The following C8orf34 variants were observed in gnomAD, a reference collection of about 807,000 sequenced individuals.
C8orf34 encodes uncharacterized protein C8orf34.
A neutral mutation model predicts 68.3 loss-of-function variants in C8orf34; 65 were observed. The ratio of observed to expected loss-of-function variants is 0.95; its 90% CI spans 0.78 to 1.17. The LOEUF (loss-of-function observed/expected upper bound fraction) is 1.17. C8orf34 is among the 50% of genes most tolerant of loss of function. The probability of loss-of-function intolerance (pLI) is 0.00; values close to 1 mark genes in which losing one functional copy is unlikely to be tolerated. For synonymous variants in C8orf34, 244 were observed against 241.2 expected (o/e 1.01, Z -0.11); for missense variants, 664 against 655.4 (o/e 1.01, Z -0.14).
At chr8:68,503,675 C>CTTTTT (rs1813875876) in intron 5 of C8orf34, among the ~76,000 whole-genome samples, 1 of 149,064 alleles carries the variant, frequency 6.7e-6, no homozygotes, top group Non-Finnish European at 1.5e-5. Flanking sequence ...TAGTTATTCT[C>CTTTTT]TTTTCTTTTT....
chr8:68,490,858 G>A lies in C8orf34; in HGVS notation c.765+2807G>A, dbSNP rs545828202. Among the ~76,000 whole-genome samples, 9 of 152,170 alleles carry A rather than the reference G, an allele frequency of 5.9e-5. No homozygotes were observed. In the South Asian group the frequency reaches 1.9e-3, roughly 32 times the overall value. On this transcript the variant is annotated intron_variant, in intron 5 of 13. Coordinates refer to ENST00000518698, the MANE Select transcript of C8orf34 (RefSeq NM_052958.4). ...GAGAGCCTGTCCCATAGCACCCTCT[G>A]GTGACCATGAAGCTCACAGTCCTGA...
intron 1 of C8orf34, among the ~76,000 whole-genome samples, chr8:68,333,947 T>A (rs1315367366): frequency 6.6e-6 from 1 of 152,238 alleles, no homozygotes; most frequent in Non-Finnish European, 1.5e-5. Context: ...AAGTTAGGAA[T>A]GTTTTAAGAA....
intron 7 of C8orf34, among the ~76,000 whole-genome samples, chr8:68,603,141 T>TTTG (rs148291265): frequency 0.27 from 40,228 of 151,212 alleles, 7,430 homozygotes; most frequent in African/African-American, 0.54. Context: ...ATGTCCAGGG[T>TTTG]TTGTTGTTGT....
At chr8:68,772,539 G>C (rs1823370995) in intron 10 of C8orf34, among the ~76,000 whole-genome samples, 6 of 152,028 alleles carry the variant, frequency 3.9e-5, no homozygotes, top group Admixed American at 3.9e-4. Context: ...GCCTCTTTGT[G>C]CCCCTTTCCC....
chr8:68,746,860 G>A (rs1471196035), intron 10 of C8orf34, among the ~76,000 whole-genome samples: 2 of 151,942 alleles, frequency 1.3e-5, no homozygotes, highest in African/African-American at 4.8e-5. Flanking sequence ...CAGAAAAAGA[G>A]GGAATCCTCC....
At chr8:68,759,289 CAATTT>C (rs1822960161) in intron 10 of C8orf34, among the ~76,000 whole-genome samples, 1 of 152,116 alleles carries the variant, frequency 6.6e-6, no homozygotes, top group South Asian at 2.1e-4. Flanking sequence ...AATTTAACTA[CAATTT>C]AATTTAAAGT....
chr8:68,705,733 GTT>G lies in C8orf34; in HGVS notation c.1242-3253_1242-3252del, dbSNP rs199787844. 7.9e-5 allele frequency among the ~76,000 whole-genome samples: 12 copies of G among 151,178 alleles called. No individual in the cohort carries two copies. In the East Asian group the frequency reaches 2.3e-3, roughly 29 times the overall value. ...TAAGGGAGGTATTTAATTTTTGTGG[GTT>G]TTTTTTTAAGACTGAAAGAGAAGTG... On this transcript the variant is annotated intron_variant, in intron 8 of 13. Transcript: ENST00000518698.
chr8:68,668,098 C>G (rs914464673), intron 8 of C8orf34, among the ~76,000 whole-genome samples: 3 of 151,804 alleles, frequency 2.0e-5, no homozygotes, highest in African/African-American at 7.3e-5. Context: ...AAGAAAAATC[C>G]TTTTGAAAGT....
intron 6 of C8orf34, among the ~76,000 whole-genome samples, chr8:68,522,291 G>A (rs1192127998): frequency 6.6e-6 from 1 of 152,148 alleles, no homozygotes; most frequent in Non-Finnish European, 1.5e-5. Context: ...GTGGCTGGCT[G>A]TTAAGAATTG....
intron 1 of C8orf34, among the ~76,000 whole-genome samples, chr8:68,379,253 C>T (rs149820325): frequency 2.0e-5 from 3 of 152,246 alleles, no homozygotes; most frequent in East Asian, 1.9e-4. Flanking sequence ...ATTTGAGAGT[C>T]GAAGATTTTT....
intron 7 of C8orf34, among the ~76,000 whole-genome samples, chr8:68,612,726 G>C (rs1818059813): frequency 6.6e-6 from 1 of 151,992 alleles, no homozygotes; most frequent in Non-Finnish European, 1.5e-5. Flanking sequence ...TGAAAACATG[G>C]ACATATAGAT....
intron 8 of C8orf34, among the ~76,000 whole-genome samples, chr8:68,647,949 A>T (rs1484391298): frequency 6.6e-6 from 1 of 152,196 alleles, no homozygotes; most frequent in Non-Finnish European, 1.5e-5. Context: ...TAGATAACTC[A>T]CCATCAAAAT....
chr8:68,464,614 G>T (rs1461366440), intron 3 of C8orf34, among the ~76,000 whole-genome samples: 2 of 152,074 alleles, frequency 1.3e-5, no homozygotes, highest in African/African-American at 4.8e-5. Context: ...ATTGATCAAT[G>T]GAACAGAACA....
intron 5 of C8orf34, among the ~76,000 whole-genome samples, chr8:68,521,039 A>G (rs1257605030): frequency 6.6e-6 from 1 of 152,222 alleles, no homozygotes; most frequent in Non-Finnish European, 1.5e-5. Context: ...CTTTGCCTGT[A>G]GCAAGTCTTA....
intron 5 of C8orf34, among the ~76,000 whole-genome samples, chr8:68,497,358 G>C (rs1239367319): frequency 6.6e-6 from 1 of 152,128 alleles, no homozygotes; most frequent in Non-Finnish European, 1.5e-5. Context: ...CCATTTGTCA[G>C]ATACTCTGTT....
Position 68,439,660 on chromosome 8 carries a change from G to A in C8orf34, c.475+14G>A, listed in dbSNP as rs886884774. The A allele has an allele frequency of 1.6e-5, 25 of 1,594,718 alleles. No individual in the cohort carries two copies. The highest frequency in any genetic ancestry group is 4.6e-5 in the South Asian group (4 of 86,966). ...GTGAAAAATCAGGTAAATGAAGAAT[G>A]TCTATGCAGTTAATTTGGGATTCAT... is the stretch of plus-strand genomic sequence containing the variant. On this transcript the variant is annotated intron_variant, in intron 2 of 13. Coordinates refer to ENST00000518698, the MANE Select transcript of C8orf34 (RefSeq NM_052958.4).
chr8:68,331,226 C>T lies in C8orf34; in HGVS notation c.214C>T (p.Pro72Ser). 3 of 1,536,062 alleles carry T rather than the reference C, an allele frequency of 2.0e-6. No homozygotes were observed. Among genetic ancestry groups the T allele is most frequent in the Non-Finnish European group, 2.6e-6 (3 of 1,146,872 alleles). ...RRVVPSGGAQ[P>S]RVLPALSSRS... ...GGTTGTCCCCAGCGGAGGCGCACAGCCGCGCGTTCTCCCTGCACTCTCTTC... is the reference window on the plus strand; with the variant it reads ...GGTTGTCCCCAGCGGAGGCGCACAGTCGCGCGTTCTCCCTGCACTCTCTTC... Residue 72 changes from proline to serine, a missense_variant, in exon 1 of 14, where the codon CCG (proline) becomes TCG (serine). Transcript: ENST00000518698.
At chr8:68,817,399 A>G (rs1396510195) in intron 13 of C8orf34, among the ~76,000 whole-genome samples, 1 of 152,072 alleles carries the variant, frequency 6.6e-6, no homozygotes, top group Non-Finnish European at 1.5e-5. Flanking sequence ...GATAAATAAA[A>G]AGTGTGTGCA....
chr8:68,391,385 C>T (rs1808473623), intron 1 of C8orf34, among the ~76,000 whole-genome samples: 1 of 151,958 alleles, frequency 6.6e-6, no homozygotes, highest in African/African-American at 2.4e-5. Flanking sequence ...AGCTCAGATC[C>T]CAAGGCTATA....
Sources: allele counts gnomAD v4.1 joint callset (sites outside exome capture counted in the v4.1 genomes callset), GRCh38; gene constraint gnomAD v4.1.1; transcripts MANE v1.5; gene names NCBI Gene and HGNC (gene_info 2026-07-23, HGNC 2026-07-21).